The following MARCHF8 variants were observed in gnomAD, a reference collection of about 807,000 sequenced individuals.
MARCHF8 encodes E3 ubiquitin-protein ligase MARCHF8.
MARCHF8 carries 40 observed loss-of-function variants against 51.6 expected under a neutral mutation model. The observed-to-expected ratio is 0.77, with a 90% confidence interval of 0.60 to 1.01. The LOEUF is 1.01. MARCHF8 is among the 50% of genes least tolerant of loss of function. The pLI, the probability that MARCHF8 is intolerant of heterozygous loss-of-function variation, is 0.00. For missense variants in MARCHF8, 685 were observed against 708.6 expected, an observed-to-expected ratio of 0.97 and a Z score of 0.38; for synonymous variants, 263 against 280.3, an observed-to-expected ratio of 0.94 and a Z score of 0.62.
intron 2 of MARCHF8, among the ~76,000 whole-genome samples, chr10:45,510,341 A>C (rs2043474722): frequency 1.3e-5 from 2 of 152,240 alleles, no homozygotes; most frequent in African/African-American, 4.8e-5. Flanking sequence ...TACAGTTAGT[A>C]AAATAGATTT....
chr10:45,550,298 C>T (rs2044180290), intron 1 of MARCHF8, among the ~76,000 whole-genome samples: 1 of 152,194 alleles, frequency 6.6e-6, no homozygotes, highest in Admixed American at 6.5e-5. Flanking sequence ...TGAATTCCTT[C>T]TAGCAATCCA....
intron 6 of MARCHF8, among the ~76,000 whole-genome samples, chr10:45,460,341 C>T (rs975102791): frequency 3.9e-5 from 6 of 152,180 alleles, no homozygotes; most frequent in Non-Finnish European, 8.8e-5. Flanking sequence ...GCCTCCAAAT[C>T]CTAGTGATCC....
chr10:45,543,199 G>C (rs2044076460), intron 1 of MARCHF8, among the ~76,000 whole-genome samples: 1 of 152,104 alleles, frequency 6.6e-6, no homozygotes, highest in Non-Finnish European at 1.5e-5. Context: ...CACCGTCCTA[G>C]TGTTCCTCCT....
chr10:45,585,362 T>C (rs966621516), intron 1 of MARCHF8, among the ~76,000 whole-genome samples: 5 of 152,036 alleles, frequency 3.3e-5, no homozygotes, highest in East Asian at 1.9e-4. Flanking sequence ...AAAGGACAAA[T>C]TGTGGAATAT....
chr10:45,529,324 G>C (rs1461181515), intron 2 of MARCHF8, among the ~76,000 whole-genome samples: 2 of 152,092 alleles, frequency 1.3e-5, no homozygotes, highest in Non-Finnish European at 1.5e-5. Context: ...ATGGATTAAA[G>C]ACCTGAAAGT....
chr10:45,520,619 C>G (rs2133233636), intron 2 of MARCHF8, among the ~76,000 whole-genome samples: 1 of 152,256 alleles, frequency 6.6e-6, no homozygotes, highest in South Asian at 2.1e-4. Context: ...TTCTGGGGGA[C>G]TCCATCAGGC....
chr10:45,539,915 G>A (rs1262126981), upstream of MARCHF8, among the ~76,000 whole-genome samples: 1 of 152,108 alleles, frequency 6.6e-6, no homozygotes, highest in East Asian at 1.9e-4. Flanking sequence ...ATAACAGACA[G>A]AGAGCCAAAT....
chr10:45,548,086 A>G (rs2044148804), intron 1 of MARCHF8, among the ~76,000 whole-genome samples: 1 of 152,228 alleles, frequency 6.6e-6, no homozygotes, highest in Non-Finnish European at 1.5e-5. Flanking sequence ...TTTCCAACAC[A>G]TAACCTCAGA....
At chr10:45,533,954 C>G (rs555091514) in intron 1 of MARCHF8, among the ~76,000 whole-genome samples, 1 of 152,124 alleles carries the variant, frequency 6.6e-6, no homozygotes, top group East Asian at 1.9e-4. Context: ...GAGGCCAAGG[C>G]GGGCAAATCA....
rs71023130 is a variant in MARCHF8, at chr10:45,568,715, C to CAA, written c.-79+25518_-79+25519dup. Among the ~76,000 whole-genome samples the CAA allele has an allele frequency of 2.2e-3, 166 of 75,536 alleles. 2 individuals are homozygous for CAA. The highest frequency in any genetic ancestry group is 3.4e-3 in the South Asian group (6 of 1,770). 49.6% of individuals were successfully genotyped at this position (75,536 alleles called of 152,430 possible). A position where few individuals can be genotyped will look rare whatever the true frequency, so the allele number is the denominator to read the frequency against. On this transcript the variant is annotated intron_variant, in intron 1 of 6. Transcript: ENST00000319836. ...GCCTGGTGACAGAGCGAGACTGTTT[C>CAA]AAAAAAAAAAAAAAAAAAAAAAACC...
chr10:45,547,123 TAGTA>T (rs1247950844), intron 1 of MARCHF8, among the ~76,000 whole-genome samples: 1 of 152,046 alleles, frequency 6.6e-6, no homozygotes, highest in Non-Finnish European at 1.5e-5. Flanking sequence ...AATAAAACAA[TAGTA>T]AATAAGCAAT....
At chr10:45,488,640 G>A (rs2043028049) in intron 3 of MARCHF8, among the ~76,000 whole-genome samples, 1 of 152,162 alleles carries the variant, frequency 6.6e-6, no homozygotes, top group South Asian at 2.1e-4. Flanking sequence ...ATCACTCCCT[G>A]GCGCCAAGGT....
intron 2 of MARCHF8, among the ~76,000 whole-genome samples, chr10:45,497,120 C>T (rs958456692): frequency 1.3e-5 from 2 of 151,690 alleles, no homozygotes; most frequent in Admixed American, 6.6e-5. Flanking sequence ...GTAAAAGAAG[C>T]AAAAAGATAC....
chr10:45,571,891 C>A (rs1464795385), intron 1 of MARCHF8, among the ~76,000 whole-genome samples: 2 of 152,200 alleles, frequency 1.3e-5, no homozygotes, highest in Non-Finnish European at 2.9e-5. Flanking sequence ...AACTCCAGCA[C>A]CAGTCATAGA....
chr10:45,463,312 G>A lies in MARCHF8; in HGVS notation c.927C>T (p.Asp309=), dbSNP rs749143239. 41 of 1,550,990 alleles carry A rather than the reference G, an allele frequency of 2.6e-5. No homozygotes were observed. The highest frequency in any genetic ancestry group is 3.6e-5 in the South Asian group (3 of 84,066). Residue 309 remains aspartate, a synonymous_variant, in exon 5 of 8, where the codon GAC becomes GAT. Transcript: ENST00000453424. ...SMGFCSDEMG[D]DDVFEDSTSA... Reference sequence around the variant, plus strand: ...ATGTGCTGTCCTCAAAGACATCGTCGTCTCCCATCTCGTCAGAGCAGAAGC... The same window carrying A: ...ATGTGCTGTCCTCAAAGACATCGTCATCTCCCATCTCGTCAGAGCAGAAGC...
chr10:45,457,941 T>C lies in MARCHF8; in HGVS notation c.*298A>G, dbSNP rs1589064385. 1.7e-5 allele frequency: 6 copies of C among 342,932 alleles called. No homozygotes were observed. The East Asian group carries it at 3.0e-4, about 17-fold the overall frequency. The allele number at this position is 342,932 out of a possible 1,614,324, so 21.2% of individuals were successfully genotyped here. A position where few individuals can be genotyped will look rare whatever the true frequency, so the allele number is the denominator to read the frequency against. ...TCCTCCTCTTCCCTTGGGATTGGCA[T>C]TTTATTCTCTCATTCAGCTCAAGAC... On this transcript the variant is annotated 3_prime_UTR_variant, in exon 8 of 8. Coordinates refer to ENST00000453424, the MANE Select transcript of MARCHF8 (RefSeq NM_001282866.2).
chr10:45,463,677 G>T lies in MARCHF8; in HGVS notation c.562C>A (p.Gln188Lys). The T allele has an allele frequency of 6.4e-7, 1 of 1,550,842 alleles. No homozygotes were observed. Among genetic ancestry groups the T allele is most frequent in the Non-Finnish European group, 8.7e-7 (1 of 1,147,056 alleles). The change falls in exon 5 of 8, where the codon CAA (glutamine) becomes AAA (lysine). Residue 188 changes from glutamine (Q) to lysine (K), a missense_variant. Gln to Lys is a moderately conservative substitution (Grantham distance 53). Coordinates refer to ENST00000453424, the MANE Select transcript of MARCHF8 (RefSeq NM_001282866.2). The part of the protein sequence containing the change: ...TCSEGKLILP[Q>K]DTCLRTNRFH... Reference sequence around the variant, plus strand: ...CTGTTAGTTCTGAGACACGTATCTTGAGGGAGTATTAATTTCCCTTCAGAA... The same window carrying T: ...CTGTTAGTTCTGAGACACGTATCTTTAGGGAGTATTAATTTCCCTTCAGAA...
intron 2 of MARCHF8, among the ~76,000 whole-genome samples, chr10:45,511,219 T>G (rs1172370806): frequency 1.3e-5 from 2 of 152,222 alleles, no homozygotes; most frequent in Non-Finnish European, 2.9e-5. Flanking sequence ...GCTGACTTTT[T>G]AAAAATCTTA....
At chr10:45,574,045 G>C (rs1388333341) in intron 1 of MARCHF8, among the ~76,000 whole-genome samples, 1 of 151,760 alleles carries the variant, frequency 6.6e-6, no homozygotes, top group African/African-American at 2.4e-5. Context: ...TTTTCCCCCA[G>C]TTCAAAGCCT....
Sources: allele counts gnomAD v4.1 joint callset (sites outside exome capture counted in the v4.1 genomes callset), GRCh38; gene constraint gnomAD v4.1.1; transcripts MANE v1.5; gene names NCBI Gene and HGNC (gene_info 2026-07-23, HGNC 2026-07-21).